The following PRR5L variants were observed in gnomAD, a reference collection of about 807,000 sequenced individuals.
The protein encoded by PRR5L is proline rich 5 like, also known as proline-rich protein 5-like.
A neutral mutation model predicts 36.4 loss-of-function variants in PRR5L; 21 were observed. That is an observed-to-expected ratio of 0.58 (90% CI 0.41 to 0.83). PRR5L has a LOEUF of 0.83. Among genes scored for constraint, PRR5L ranks in the 40% least tolerant of loss-of-function variants. PRR5L has a pLI of 0.00. For synonymous variants in PRR5L, 188 were observed against 197.0 expected, an observed-to-expected ratio of 0.95 and a Z score of 0.38; for missense variants, 381 against 473.3, an observed-to-expected ratio of 0.80 and a Z score of 1.81.
chr11:36,370,160 T>C (rs1359042036), intron 1 of PRR5L, among the ~76,000 whole-genome samples: 1 of 152,168 alleles, frequency 6.6e-6, no homozygotes, highest in Admixed American at 6.5e-5. Context: ...GCTTCAACCA[T>C]AGGGGCTTGC....
intron 8 of PRR5L, among the ~76,000 whole-genome samples, chr11:36,458,120 T>A (rs1187629060): frequency 6.6e-6 from 1 of 152,252 alleles, no homozygotes; most frequent in Non-Finnish European, 1.5e-5. Context: ...GGTTGCTCCT[T>A]GGCGTTTTGT....
intron 1 of PRR5L, among the ~76,000 whole-genome samples, chr11:36,366,474 A>G (rs766873170): frequency 6.6e-6 from 1 of 152,188 alleles, no homozygotes; most frequent in Non-Finnish European, 1.5e-5. Flanking sequence ...TACTTAGAGT[A>G]TAATGTAAAT....
intron 1 of PRR5L, among the ~76,000 whole-genome samples, chr11:36,350,980 T>TATTTATATATATTTATATATTTA (rs1856930186): frequency 1.4e-4 from 6 of 43,370 alleles, no homozygotes; most frequent in East Asian, 1.0e-3. Context: ...TTATATATAT[T>TATTTATATATATTTATATATTTA]TATATATTTA....
chr11:36,335,659 G>A (rs775518635), intron 1 of PRR5L, among the ~76,000 whole-genome samples: 45 of 152,100 alleles, frequency 3.0e-4, no homozygotes, highest in Non-Finnish European at 5.7e-4. Context: ...TCTTGAGTAC[G>A]TGGTATTTAT....
At chr11:36,410,902 C>T (rs1257381083) in intron 3 of PRR5L, among the ~76,000 whole-genome samples, 1 of 152,238 alleles carries the variant, frequency 6.6e-6, no homozygotes. Context: ...GCACTGGGCA[C>T]AGGACTCTGG....
At chr11:36,310,339 A>G in intron 1 of PRR5L, among the ~76,000 whole-genome samples, 1 of 152,128 alleles carries the variant, frequency 6.6e-6, no homozygotes, top group East Asian at 1.9e-4. Context: ...CACTCCCCTG[A>G]TCCTTAGGAG....
intron 1 of PRR5L, among the ~76,000 whole-genome samples, chr11:36,365,025 A>G (rs1430601111): frequency 6.6e-6 from 1 of 152,206 alleles, no homozygotes; most frequent in East Asian, 1.9e-4. Context: ...GTAAGGATTA[A>G]ACGAGTTACT....
In PRR5L at chr11:36,464,626, T is replaced by C. The variant is rs1293293040; in HGVS notation, c.*1890T>C. ...GTAGGTAGCAACATGATAATTTATG[T>C]AACTGATAGCTTCTGTCCTTATTAG... On this transcript the variant is annotated 3_prime_UTR_variant, in exon 9 of 9. Transcript: ENST00000530639. 3 of 152,242 alleles carry C rather than the reference T, an allele frequency of 2.0e-5. No individual in the cohort carries two copies. The highest frequency in any genetic ancestry group is 4.4e-5 in the Non-Finnish European group (3 of 68,038). The allele number at this position is 152,242 out of a possible 1,614,324, so 9.4% of individuals were successfully genotyped here. A position where few individuals can be genotyped will look rare whatever the true frequency, so the allele number is the denominator to read the frequency against.
In PRR5L at chr11:36,377,970, G is replaced by A. The variant is rs1444552960; in HGVS notation, c.-125-23027G>A. Among the ~76,000 whole-genome samples the A allele has an allele frequency of 1.3e-5, 2 of 152,092 alleles. No individual in the cohort carries two copies. Among genetic ancestry groups the A allele is most frequent in the African/African-American group, 4.8e-5 (2 of 41,410 alleles). ...GCTAAGGACCAAAGGGATGCCACCG[G>A]CCCAATGTACTGCCTTCATCCCCCA... On this transcript the variant is annotated intron_variant, in intron 1 of 8. Transcript: ENST00000530639. This position sits in a 1 kb window ranked among gnomAD's most constrained non-coding sequence, Gnocchi z 5.1.
At chr11:36,359,220 C>T (rs1020316712) in intron 1 of PRR5L, among the ~76,000 whole-genome samples, 2 of 152,108 alleles carry the variant, frequency 1.3e-5, no homozygotes, top group African/African-American at 4.8e-5. Flanking sequence ...GTACGTGAAG[C>T]GGTATTAACT....
At chr11:36,352,874 G>T (rs898987440) in intron 1 of PRR5L, among the ~76,000 whole-genome samples, 2 of 152,232 alleles carry the variant, frequency 1.3e-5, no homozygotes, top group Non-Finnish European at 2.9e-5. Flanking sequence ...AACTGGAGGG[G>T]TGGACAGCCA....
chr11:36,404,677 T>C (rs1590544840), intron 3 of PRR5L, among the ~76,000 whole-genome samples: 1 of 136,280 alleles, frequency 7.3e-6, no homozygotes, highest in South Asian at 2.4e-4. Context: ...AACAAGTCCA[T>C]TGTTCTGTTC....
At chr11:36,400,729 G>A (rs1857774172) in intron 1 of PRR5L, among the ~76,000 whole-genome samples, 1 of 152,232 alleles carries the variant, frequency 6.6e-6, no homozygotes, top group Admixed American at 6.5e-5. Flanking sequence ...TGGAACCAGA[G>A]TCTAGCACAG....
intron 1 of PRR5L, among the ~76,000 whole-genome samples, chr11:36,390,125 T>A (rs11825083): frequency 6.6e-6 from 1 of 152,100 alleles, no homozygotes; most frequent in Non-Finnish European, 1.5e-5. Flanking sequence ...AGGCAGATTA[T>A]GACAAGACGA....
At chr11:36,436,697 A>G (rs752208126) in intron 5 of PRR5L, among the ~76,000 whole-genome samples, 1 of 152,196 alleles carries the variant, frequency 6.6e-6, no homozygotes, top group Non-Finnish European at 1.5e-5. Flanking sequence ...AGCTGTGCAC[A>G]TGATCTTCCT....
chr11:36,372,976 TTGTGTG>T (rs36076560), intron 1 of PRR5L, among the ~76,000 whole-genome samples: 2,435 of 146,740 alleles, frequency 0.017, 60 homozygotes, highest in African/African-American at 0.057. Context: ...TGCCTAATAG[TTGTGTG>T]TGTGTGTGTG....
At chr11:36,371,603 G>A (rs939189760) in intron 1 of PRR5L, among the ~76,000 whole-genome samples, 5 of 152,174 alleles carry the variant, frequency 3.3e-5, no homozygotes, top group Non-Finnish European at 5.9e-5. Flanking sequence ...TCTACAAAAG[G>A]AGAAAACTTA....
chr11:36,395,001 A>C (rs1590529053), intron 1 of PRR5L, among the ~76,000 whole-genome samples: 1 of 152,162 alleles, frequency 6.6e-6, no homozygotes, highest in Non-Finnish European at 1.5e-5. Flanking sequence ...TATACTTCTC[A>C]ACATCTTTTC....
intron 4 of PRR5L, among the ~76,000 whole-genome samples, chr11:36,428,210 A>C (rs1366461448): frequency 1.3e-5 from 2 of 152,146 alleles, no homozygotes; most frequent in Non-Finnish European, 2.9e-5. Flanking sequence ...TAGGTGCCTG[A>C]AAATCCCTCC....
Sources: gnomAD v4.1 joint callset for allele counts (sites outside exome capture counted in the v4.1 genomes callset) on GRCh38, gnomAD v4.1.1 for gene constraint, Gnocchi (gnomAD v3.1) non-coding constraint, MANE v1.5 for transcripts, NCBI Gene and HGNC (gene_info 2026-07-23, HGNC 2026-07-21) for gene names.